The following MMP26 variants were observed in gnomAD, a reference collection of about 807,000 sequenced individuals.
MMP26 encodes matrix metallopeptidase 26, also known as matrix metalloproteinase-26.
MMP26 carries 33 observed loss-of-function variants against 31.0 expected under a neutral mutation model. That is an observed-to-expected ratio of 1.06 (90% confidence interval 0.81 to 1.42). The LOEUF is 1.42. Ranked by LOEUF, MMP26 falls within the 40% of genes most tolerant of loss-of-function variation. The pLI is 0.00. For synonymous variants in MMP26, 122 were observed against 114.9 expected (o/e 1.06, Z -0.40); for missense variants, 347 against 316.1 (o/e 1.10, Z -0.74).
chr11:4,858,232 C>G (rs1464906035), intron 2 of MMP26, among the ~76,000 whole-genome samples: 2 of 152,050 alleles, frequency 1.3e-5, no homozygotes, highest in African/African-American at 4.8e-5. Flanking sequence ...CCAGGGCAAT[C>G]AAGCAGGAGA....
chr11:4,741,741 A>G (rs1287583822), intron 1 of MMP26, among the ~76,000 whole-genome samples: 1 of 152,140 alleles, frequency 6.6e-6, no homozygotes, highest in Admixed American at 6.5e-5. Flanking sequence ...AAACCGGCAC[A>G]TTCTGCACAT....
chr11:4,900,527 C>A (rs113345396), intron 2 of MMP26, among the ~76,000 whole-genome samples: 239 of 152,284 alleles, frequency 1.6e-3, no homozygotes, highest in African/African-American at 5.5e-3. Context: ...CAGTTTTCAT[C>A]CTGCCACTAT....
At chr11:4,837,152 T>C (rs182910690) in intron 2 of MMP26, among the ~76,000 whole-genome samples, 195 of 152,288 alleles carry the variant, frequency 1.3e-3, no homozygotes, top group South Asian at 8.5e-3. Context: ...GCAAATGTAA[T>C]TGCTATTTTG....
intron 1 of MMP26, chr11:4,724,095 G>A (rs967862039): frequency 1.9e-4 from 124 of 639,846 alleles, no homozygotes; most frequent in African/African-American, 1.8e-3. Context: ...AGGTCCACTC[G>A]TGTAGGAGCG....
At chr11:4,957,017 C>G (rs1175485300) in intron 2 of MMP26, among the ~76,000 whole-genome samples, 1 of 152,012 alleles carries the variant, frequency 6.6e-6, no homozygotes. Context: ...TTCTCAAGAT[C>G]AAGTCGTCTG....
chr11:4,974,358 T>A (rs1382934121), intron 2 of MMP26, among the ~76,000 whole-genome samples: 1 of 140,868 alleles, frequency 7.1e-6, no homozygotes, highest in Non-Finnish European at 1.5e-5. Flanking sequence ...TCAAAACATT[T>A]ACATAAAATT....
At chr11:4,892,912 G>A (rs1850648162) in intron 2 of MMP26, among the ~76,000 whole-genome samples, 1 of 151,998 alleles carries the variant, frequency 6.6e-6, no homozygotes, top group South Asian at 2.1e-4. Context: ...AATACATTAG[G>A]ATTAATTCCT....
In MMP26 at chr11:4,989,817, C is replaced by T. The variant is rs755275186; in HGVS notation, c.269C>T (p.Thr90Ile). The change falls in exon 4 of 8, where the codon ACC (threonine) becomes ATC (isoleucine). Residue 90 changes from threonine (T) to isoleucine (I), a missense_variant. Coordinates refer to ENST00000380390, the MANE Select transcript of MMP26 (RefSeq NM_021801.5). ...TGTGGGGTGCCTGATGGGTCCGACACCTCCATCTCGCCAGGAAGATGCAAG... is the reference window on the plus strand; with the variant it reads ...TGTGGGGTGCCTGATGGGTCCGACATCTCCATCTCGCCAGGAAGATGCAAG... ...PHCGVPDGSD[T>I]SISPGRCKWN... 7.4e-6 allele frequency: 12 copies of T among 1,612,976 alleles called. No homozygotes were observed. The highest frequency in any genetic ancestry group is 2.2e-5 in the South Asian group (2 of 91,082).
At chr11:4,809,910 C>T (rs568992887) in intron 2 of MMP26, among the ~76,000 whole-genome samples, 1 of 152,204 alleles carries the variant, frequency 6.6e-6, no homozygotes, top group African/African-American at 2.4e-5. Context: ...ACCCAGACCT[C>T]TACTCTGTCT....
intron 2 of MMP26, among the ~76,000 whole-genome samples, chr11:4,907,061 A>G (rs997449333): frequency 3.0e-5 from 4 of 134,970 alleles, no homozygotes; most frequent in African/African-American, 1.1e-4. Context: ...GCACCATTGC[A>G]CTCCAGCCTG....
intron 2 of MMP26, among the ~76,000 whole-genome samples, chr11:4,784,948 A>AT (rs1848915106): frequency 6.6e-6 from 1 of 152,246 alleles, no homozygotes; most frequent in Non-Finnish European, 1.5e-5. Flanking sequence ...GAAAGAGAAG[A>AT]TTTTGAATGT....
chr11:4,841,442 A>G (rs968011684), intron 2 of MMP26, among the ~76,000 whole-genome samples: 7 of 152,198 alleles, frequency 4.6e-5, no homozygotes, highest in African/African-American at 1.7e-4. Flanking sequence ...AAACCAATAT[A>G]TCTGACAGCA....
At chr11:4,960,795 G>A (rs1846510668) in intron 2 of MMP26, among the ~76,000 whole-genome samples, 2 of 151,890 alleles carry the variant, frequency 1.3e-5, no homozygotes, top group Non-Finnish European at 2.9e-5. Flanking sequence ...AAAAAGCATA[G>A]CAGAACATTT....
At position 4,851,796 on chromosome 11, in the gene MMP26, A is replaced by C. The variant is rs530670196; in HGVS notation, c.-145+84455A>C. The stretch of plus-strand genomic sequence containing the variant: ...GCATATTGTAATTTATAGAACAATC[A>C]CTAATAAAATGGTAAAAAAATAAAA... On this transcript the variant is annotated intron_variant, in intron 2 of 7. Transcript: ENST00000380390. Among the ~76,000 whole-genome samples, 3 of 152,254 alleles carry C rather than the reference A, an allele frequency of 2.0e-5. No individual in the cohort carries two copies. In the East Asian group the frequency reaches 5.8e-4, roughly 29 times the overall value.
chr11:4,924,393 A>T, intron 2 of MMP26: 1 of 1,522,980 alleles, frequency 6.6e-7, no homozygotes, highest in Non-Finnish European at 8.8e-7. Flanking sequence ...ATTCCTGGAA[A>T]GTGACAAGGC....
At chr11:4,786,186 A>G (rs1589900076) in intron 2 of MMP26, among the ~76,000 whole-genome samples, 1 of 152,292 alleles carries the variant, frequency 6.6e-6, no homozygotes, top group South Asian at 2.1e-4. Context: ...TCCAGACTCC[A>G]GGGAAGAGGA....
intron 2 of MMP26, chr11:4,847,780 C>T (rs1436736460): frequency 6.5e-6 from 1 of 152,900 alleles, no homozygotes; most frequent in Non-Finnish European, 1.5e-5. Context: ...GTATCTAATT[C>T]CTAAGGATTG....
intron 1 of MMP26, chr11:4,723,372 G>A: frequency 1.0e-6 from 1 of 954,810 alleles, no homozygotes; most frequent in Admixed American, 1.7e-5. Flanking sequence ...GGCTGCGGTT[G>A]GAGATCACCT....
chr11:4,984,519 A>AT (rs926242020), intron 2 of MMP26, among the ~76,000 whole-genome samples: 52 of 151,956 alleles, frequency 3.4e-4, no homozygotes, highest in African/African-American at 6.3e-4. Flanking sequence ...CAGCTATGAG[A>AT]TTTTTTTTAC....
Sources: gnomAD v4.1 joint callset for allele counts (sites outside exome capture counted in the v4.1 genomes callset) on GRCh38, gnomAD v4.1.1 for gene constraint, MANE v1.5 for transcripts, NCBI Gene and HGNC (gene_info 2026-07-23, HGNC 2026-07-21) for gene names.